Variants in DAGLA observed in about 807,000 individuals in gnomAD.
DAGLA encodes the protein diacylglycerol lipase alpha.
Under a neutral mutation model 102.6 loss-of-function variants are expected in DAGLA, and 22 were observed. The observed-to-expected ratio is 0.21, with a 90% CI of 0.15 to 0.31. The LOEUF (loss-of-function observed/expected upper bound fraction) is 0.31, where lower values mean the gene tolerates loss of function less well. DAGLA is among the 10% of genes least tolerant of loss of function. The pLI is 1.00. For missense variants in DAGLA, 927 were observed against 1,446.6 expected, an observed-to-expected ratio of 0.64 and a Z score of 5.83; for synonymous variants, 578 against 628.9, an observed-to-expected ratio of 0.92 and a Z score of 1.21.
In DAGLA at chr11:61,728,184, C is replaced by T; in HGVS notation, c.668C>T (p.Ala223Val). Reference sequence around the variant, plus strand: ...TACTCAGAAATCGCCTACCTCTTTGCGGAGTTCTTCCGGGACCTTGACATT... The same window carrying T: ...TACTCAGAAATCGCCTACCTCTTTGTGGAGTTCTTCCGGGACCTTGACATT... ...DAYSEIAYLF[A>V]EFFRDLDIVP... Residue 223 changes from alanine to valine, a missense_variant, in exon 7 of 20, where the codon GCG becomes GTG. Physicochemically the swap from Ala to Val is moderately conservative, Grantham distance 64. This residue lies in a region of DAGLA where 231 missense variants were observed against 439.8 expected (regional missense o/e 0.53). Coordinates refer to ENST00000257215, the MANE Select transcript of DAGLA (RefSeq NM_006133.3). 4 of 1,614,140 alleles carry T rather than the reference C, an allele frequency of 2.5e-6. No homozygotes were observed. The highest frequency in any genetic ancestry group is 3.4e-6 in the Non-Finnish European group (4 of 1,179,996).
At chr11:61,743,006 G>A (rs910721783) in intron 19 of DAGLA, among the ~76,000 whole-genome samples, 6 of 152,098 alleles carry the variant, frequency 3.9e-5, no homozygotes, top group Admixed American at 2.0e-4. Flanking sequence ...CAGGGACCCC[G>A]CGGCTCAACC....
intron 1 of DAGLA, among the ~76,000 whole-genome samples, chr11:61,694,961 G>A (rs1293383868): frequency 6.6e-6 from 1 of 152,184 alleles, no homozygotes; most frequent in Admixed American, 6.5e-5. Context: ...ACGTCTCCCC[G>A]CCAGTGGAGG....
intron 1 of DAGLA, 108 bp downstream of exon 1, chr11:61,680,612 C>A: frequency 6.7e-6 from 1 of 149,388 alleles, no homozygotes; most frequent in South Asian, 1.9e-4. Context: ...CCCGACGGGT[C>A]GGCGGGCGGA....
Position 61,744,468 on chromosome 11 carries a change from G to A in DAGLA, c.3108G>A (p.Glu1036=), listed in dbSNP as rs369220800. 1.5e-5 allele frequency: 23 copies of A among 1,580,890 alleles called. No homozygotes were observed. Among genetic ancestry groups the A allele is most frequent in the African/African-American group, 4.0e-5 (3 of 74,226 alleles). ...GAGCCAGCCCCGCCAAGCAAGATGA[G>A]CTGGTCATCTCAGCACGCTAGCACC... ...GHGASPAKQD[E]LVISAR Residue 1036 remains glutamate (E), a synonymous_variant, in exon 20 of 20, where the codon GAG becomes GAA. Transcript: ENST00000257215.
intron 1 of DAGLA, among the ~76,000 whole-genome samples, chr11:61,690,844 G>A (rs992034688): frequency 3.9e-5 from 6 of 152,152 alleles, no homozygotes; most frequent in Non-Finnish European, 7.4e-5. Context: ...GCCAGGCCCC[G>A]CTCCCAGGAA....
At chr11:61,729,377 CT>C (rs1397430018) in intron 8 of DAGLA, among the ~76,000 whole-genome samples, 4 of 152,164 alleles carry the variant, frequency 2.6e-5, no homozygotes, top group African/African-American at 9.7e-5. Context: ...GTAGTGGAAC[CT>C]TTTCTCAATC....
chr11:61,704,545 G>A (rs2065134638), intron 1 of DAGLA, among the ~76,000 whole-genome samples: 1 of 152,196 alleles, frequency 6.6e-6, no homozygotes, highest in Non-Finnish European at 1.5e-5. Flanking sequence ...TTGGGAAAGA[G>A]GAATTCTAGT....
chr11:61,720,509 C>T (rs2065272733), intron 2 of DAGLA, among the ~76,000 whole-genome samples, 170 bp from the exon 3 acceptor site: 2 of 152,214 alleles, frequency 1.3e-5, no homozygotes, highest in Non-Finnish European at 2.9e-5. Context: ...TTACTGGCCG[C>T]CCATGCCCTT....
In DAGLA at chr11:61,738,432, G is replaced by A. The variant is rs115959647; in HGVS notation, c.1656+225G>A. ...GATGGGGAAACTGAGACCCAGAGTG[G>A]GAGGGACTTGCATTTGCTCACATAA... On this transcript the variant is annotated intron_variant, in intron 16 of 19. Coordinates refer to ENST00000257215, the MANE Select transcript of DAGLA (RefSeq NM_006133.3). Among the ~76,000 whole-genome samples the A allele has an allele frequency of 9.0e-3, 1,363 of 152,290 alleles. 22 individuals carry two copies. The highest frequency in any genetic ancestry group is 0.031 in the African/African-American group (1,275 of 41,554).
At chr11:61,727,766 G>C (rs2065341543) in intron 6 of DAGLA, among the ~76,000 whole-genome samples, 1 of 152,250 alleles carries the variant, frequency 6.6e-6, no homozygotes, top group Non-Finnish European at 1.5e-5. Context: ...CAGGAGCTTA[G>C]TTTGGTTTCT....
At chr11:61,707,089 A>G (rs557669518) in intron 1 of DAGLA, among the ~76,000 whole-genome samples, 2 of 152,322 alleles carry the variant, frequency 1.3e-5, no homozygotes, top group African/African-American at 4.8e-5. Flanking sequence ...CCCCTGGTTG[A>G]CAGGGATGAA....
Position 61,728,283 on chromosome 11 carries a change from A to C in DAGLA, c.767A>C (p.Asp256Ala). The C allele has an allele frequency of 6.2e-7, 1 of 1,610,784 alleles. No individual in the cohort carries two copies. The highest frequency in any genetic ancestry group is 8.5e-7 in the Non-Finnish European group (1 of 1,179,896). Residue 256 changes from aspartate (D) to alanine (A), a missense_variant, in exon 7 of 20, where the codon GAC (aspartate) becomes GCC (alanine). Asp to Ala is a moderately radical substitution (Grantham distance 126). This residue lies in a region of DAGLA where 231 missense variants were observed against 439.8 expected (regional missense o/e 0.53). Coordinates refer to ENST00000257215, the MANE Select transcript of DAGLA (RefSeq NM_006133.3). ...CGGGCCAAGCGCAACGCCGTGCTGG[A>C]CGAGGTGAGCACCACCAGCCCCTTC... is the stretch of plus-strand genomic sequence containing the variant. ...RQRAKRNAVL[D>A]EANNDILAFL...
chr11:61,734,361 G>C lies in DAGLA; in HGVS notation c.975-488G>C, dbSNP rs1052755807. ...AGGGTTGGGGTACACAAGCAGGGAA[G>C]GGGTTTGAGAGCTGGCAGGGTGTCA... On this transcript the variant is annotated intron_variant, in intron 9 of 19. Coordinates refer to ENST00000257215, the MANE Select transcript of DAGLA (RefSeq NM_006133.3). This position sits in a 1 kb window ranked among gnomAD's most constrained non-coding sequence, Gnocchi z 4.2. Among the ~76,000 whole-genome samples the C allele has an allele frequency of 1.3e-5, 2 of 152,044 alleles. No individual in the cohort carries two copies. The highest frequency in any genetic ancestry group is 3.9e-4 in the East Asian group (2 of 5,166).
At chr11:61,731,632 A>T (rs1405418714) in intron 9 of DAGLA, among the ~76,000 whole-genome samples, 191 bp downstream of exon 9, 5 of 152,140 alleles carry the variant, frequency 3.3e-5, no homozygotes, top group Admixed American at 3.3e-4. Context: ...TCACACAGTT[A>T]TGGGTTCGAA....
chr11:61,721,754 T>G (rs532011342), intron 3 of DAGLA, among the ~76,000 whole-genome samples: 2 of 152,388 alleles, frequency 1.3e-5, no homozygotes, highest in East Asian at 3.9e-4. Context: ...TGTGCTTCTG[T>G]GCACTGGGCT....
At chr11:61,718,480 G>A (rs2065254988) in intron 1 of DAGLA, among the ~76,000 whole-genome samples, 3 of 152,056 alleles carry the variant, frequency 2.0e-5, no homozygotes, top group South Asian at 2.1e-4. Flanking sequence ...TGCCACCCAC[G>A]GTGCCCCAGC....
chr11:61,721,994 C>T (rs998799953), intron 3 of DAGLA, among the ~76,000 whole-genome samples: 1 of 152,262 alleles, frequency 6.6e-6, no homozygotes, highest in Non-Finnish European at 1.5e-5. Flanking sequence ...CAGCAGATCT[C>T]CTTCTCAGCC....
intron 1 of DAGLA, among the ~76,000 whole-genome samples, chr11:61,709,792 C>T (rs186156645): frequency 2.0e-4 from 30 of 152,234 alleles, no homozygotes; most frequent in African/African-American, 7.0e-4. Context: ...GCTCCTGTTA[C>T]GAAGTCACTT....
intron 1 of DAGLA, among the ~76,000 whole-genome samples, chr11:61,696,186 G>A (rs1231802038): frequency 1.3e-5 from 2 of 152,346 alleles, no homozygotes; most frequent in South Asian, 4.1e-4. Flanking sequence ...CAGCGGAACC[G>A]TCACCAGCGG....
Sources: allele counts gnomAD v4.1 joint callset (sites outside exome capture counted in the v4.1 genomes callset), GRCh38; gene constraint gnomAD v4.1.1; regional missense constraint gnomAD v4.1.1; non-coding constraint Gnocchi (gnomAD v3.1); transcripts MANE v1.5; gene names NCBI Gene and HGNC (gene_info 2026-07-23, HGNC 2026-07-21).